Variants in NAV3 observed in about 807,000 individuals in gnomAD.
The protein encoded by NAV3 is pore membrane and/or filament interacting like protein 1.
NAV3 carries 87 observed loss-of-function variants against 244.7 expected under a neutral mutation model. That is an observed-to-expected ratio of 0.36 (90% confidence interval 0.30 to 0.42). NAV3 has a LOEUF of 0.42. Among genes scored for constraint, NAV3 ranks in the 20% least tolerant of loss-of-function variants. NAV3 has a pLI of 1.00. For synonymous variants in NAV3, 1,126 were observed against 1,042.2 expected, an observed-to-expected ratio of 1.08 and a Z score of -1.55; for missense variants, 2,663 against 2,893.3, an observed-to-expected ratio of 0.92 and a Z score of 1.83.
chr12:78,078,375 CTTTTTTTTTTTTTTTTTTTTTTTTTT>C (rs71088356), intron 12 of NAV3, among the ~76,000 whole-genome samples: 1 of 67,808 alleles, frequency 1.5e-5, no homozygotes, highest in Admixed American at 2.2e-4. Context: ...TCTTTCCACT[CTTTTTTTTTTTTTTTTTTTTTTTTTT>C]TTTTTTTTTT....
chr12:77,799,642 C>T (rs1016007530), intron 2 of NAV3, among the ~76,000 whole-genome samples: 7 of 152,030 alleles, frequency 4.6e-5, no homozygotes, highest in Admixed American at 3.3e-4. Flanking sequence ...CCTGCCATAG[C>T]CCTTTTATTT....
rs560071209 is a variant in NAV3, at chr12:78,128,754, G to T, written c.4329G>T (p.Trp1443Cys). Residue 1443 changes from tryptophan (W) to cysteine (C), a missense_variant, in exon 18 of 40, where the codon TGG becomes TGT. Transcript: ENST00000397909. ...CCAACCAAGAAGAGGGCAAAGAGTGGTTGCGTTCTCATTCTACTGGAGGGC... is the reference window on the plus strand; with the variant it reads ...CCAACCAAGAAGAGGGCAAAGAGTGTTTGCGTTCTCATTCTACTGGAGGGC... Reference protein sequence around the residue: ...RQANQEEGKEWLRSHSTGGLQ... With the variant: ...RQANQEEGKECLRSHSTGGLQ... The T allele has an allele frequency of 6.2e-7, 1 of 1,614,064 alleles. No individual in the cohort carries two copies. Among genetic ancestry groups the T allele is most frequent in the African/African-American group, 1.3e-5 (1 of 75,036 alleles).
intron 2 of NAV3, among the ~76,000 whole-genome samples, chr12:77,803,696 T>C (rs1871829318): frequency 6.6e-6 from 1 of 152,174 alleles, no homozygotes; most frequent in Non-Finnish European, 1.5e-5. Context: ...ACTTAAGGAA[T>C]CGCCACTCAG....
intron 2 of NAV3, among the ~76,000 whole-genome samples, chr12:77,820,490 G>A (rs79971390): frequency 0.019 from 2,916 of 152,190 alleles, 88 homozygotes; most frequent in African/African-American, 0.067. Context: ...GAGCCCTCAC[G>A]ATTCAATCAC....
chr12:78,007,138 G>T lies in NAV3; in HGVS notation c.1600G>T (p.Val534Phe), dbSNP rs1027711441. 6.8e-6 allele frequency: 11 copies of T among 1,613,994 alleles called. No individual in the cohort carries two copies. Among genetic ancestry groups the T allele is most frequent in the Non-Finnish European group, 9.3e-6 (11 of 1,180,048 alleles). Residue 534 changes from valine (V) to phenylalanine (F), a missense_variant, in exon 8 of 40, where the codon GTT becomes TTT. Transcript: ENST00000397909. ...SSGIPKPGSKVPTVKQTISPG... is the reference protein window; with the variant it reads ...SSGIPKPGSKFPTVKQTISPG... ...TGGTATTCCAAAACCAGGCTCTAAA[G>T]TTCCAACAGTAAAGCAAACCATTTC...
chr12:77,951,877 T>A (rs889201604), intron 3 of NAV3, among the ~76,000 whole-genome samples: 1 of 151,776 alleles, frequency 6.6e-6, no homozygotes, highest in African/African-American at 2.4e-5. Flanking sequence ...ATGAGAACAC[T>A]TGGACACAGG....
chr12:77,814,480 C>T (rs1458324457), intron 2 of NAV3, among the ~76,000 whole-genome samples: 1 of 151,822 alleles, frequency 6.6e-6, no homozygotes. Context: ...ACCAAGAAAA[C>T]AACAATAAGG....
chr12:77,784,287 C>T (rs546186778), intron 2 of NAV3, among the ~76,000 whole-genome samples: 12 of 152,246 alleles, frequency 7.9e-5, no homozygotes, highest in African/African-American at 2.9e-4. Flanking sequence ...CCTGCTGGGC[C>T]TAGCTGGTTG....
chr12:77,900,827 A>G (rs1348606901), intron 1 of NAV3, among the ~76,000 whole-genome samples: 2 of 152,170 alleles, frequency 1.3e-5, no homozygotes, highest in African/African-American at 4.8e-5. Flanking sequence ...CCAAGAGTGT[A>G]TAAGCATTTA....
intron 7 of NAV3, among the ~76,000 whole-genome samples, chr12:78,002,926 A>G (rs1039957446): frequency 3.3e-5 from 5 of 151,842 alleles, no homozygotes; most frequent in African/African-American, 1.2e-4. Context: ...GCATACATGC[A>G]CAAATATTGA....
chr12:77,697,205 T>C (rs1342467612), intron 2 of NAV3, among the ~76,000 whole-genome samples: 1 of 152,104 alleles, frequency 6.6e-6, no homozygotes, highest in Non-Finnish European at 1.5e-5. Flanking sequence ...AGTCCATTTC[T>C]CTCCCAGCCC....
intron 34 of NAV3, 121 bp downstream of exon 34, chr12:78,190,340 T>A (rs1958918826): frequency 7.5e-6 from 6 of 800,956 alleles, no homozygotes; most frequent in Middle Eastern, 3.5e-4. Flanking sequence ...ATCTTTTTTT[T>A]ACTAGAATTG....
At chr12:77,827,309 A>G (rs976428395), upstream of NAV3, among the ~76,000 whole-genome samples, 27 of 151,778 alleles carry the variant, frequency 1.8e-4, no homozygotes, top group Admixed American at 3.3e-4. Context: ...GTTGACTATC[A>G]AATCATATTT....
Position 78,115,855 on chromosome 12 carries a change from A to G in NAV3, c.2637-917A>G, listed in dbSNP as rs78926679. ...TAGGTTTGTATAAGTACACTCTATG[A>G]TGTTCTCACAATGAACAAAATCACC... On this transcript the variant is annotated intron_variant, in intron 12 of 39. Coordinates refer to ENST00000397909, the MANE Select transcript of NAV3 (RefSeq NM_001024383.2). 4.3e-4 allele frequency among the ~76,000 whole-genome samples: 66 copies of G among 152,308 alleles called. No homozygotes were observed. In the East Asian group the frequency reaches 0.012, roughly 27 times the overall value.
intron 1 of NAV3, among the ~76,000 whole-genome samples, chr12:77,895,955 TAAAAAAAAAAAAAAA>T (rs755975061): frequency 3.8e-5 from 4 of 104,620 alleles, no homozygotes; most frequent in Non-Finnish European, 7.6e-5. Flanking sequence ...CAATTTCCAG[TAAAAAAAAAAAAAAA>T]AAAAAAAAAG....
At position 77,841,845 on chromosome 12, in the gene NAV3, G is replaced by A. The variant is rs149542683; in HGVS notation, c.243+10141G>A. The stretch of plus-strand genomic sequence containing the variant: ...TCTAGCCAGCCATCAGTGAAAGAGA[G>A]AAAATGGAGGATTGCATAAGAGGCT... On this transcript the variant is annotated intron_variant, in intron 1 of 39. Transcript: ENST00000397909. 4.0e-3 allele frequency among the ~76,000 whole-genome samples: 607 copies of A among 152,288 alleles called. 4 individuals are homozygous for A. Among genetic ancestry groups the A allele is most frequent in the African/African-American group, 0.014 (582 of 41,556 alleles).
At chr12:78,037,155 G>C in intron 9 of NAV3, 1 of 703,030 alleles carries the variant, frequency 1.4e-6, no homozygotes, top group Admixed American at 2.0e-5. Context: ...CAGCCAGTCA[G>C]ACAGTGAAGA....
intron 1 of NAV3, among the ~76,000 whole-genome samples, chr12:77,874,916 G>A (rs951139368): frequency 6.6e-5 from 10 of 151,858 alleles, no homozygotes; most frequent in Non-Finnish European, 8.8e-5. Flanking sequence ...TTCATGAAAC[G>A]TGTACAGAAG....
intron 2 of NAV3, among the ~76,000 whole-genome samples, chr12:77,617,685 G>C (rs1431154245): frequency 6.6e-6 from 1 of 152,174 alleles, no homozygotes; most frequent in Non-Finnish European, 1.5e-5. Context: ...GTATGGTGGA[G>C]AGTGAGGGGC....
Sources: gnomAD v4.1 joint callset for allele counts (sites outside exome capture counted in the v4.1 genomes callset) on GRCh38, gnomAD v4.1.1 for gene constraint, MANE v1.5 for transcripts, NCBI Gene and HGNC (gene_info 2026-07-23, HGNC 2026-07-21) for gene names.